The following PTPRK variants were observed in gnomAD, a reference collection of about 807,000 sequenced individuals.
PTPRK encodes the protein protein tyrosine phosphatase receptor type K.
A neutral mutation model predicts 178.0 loss-of-function variants in PTPRK; 75 were observed. The observed-to-expected ratio is 0.42, with a 90% confidence interval of 0.35 to 0.51. The LOEUF is 0.51. Ranked by LOEUF, PTPRK falls within the 20% of genes least tolerant of loss-of-function variation. The probability of loss-of-function intolerance (pLI) is 0.02; values close to 1 mark genes in which losing one functional copy is unlikely to be tolerated. For synonymous variants in PTPRK, 637 were observed against 620.6 expected, an observed-to-expected ratio of 1.03 and a Z score of -0.39; for missense variants, 1,441 against 1,797.8, an observed-to-expected ratio of 0.80 and a Z score of 3.59.
chr6:128,051,793 T>G (rs536435354), intron 13 of PTPRK, among the ~76,000 whole-genome samples: 1 of 152,294 alleles, frequency 6.6e-6, no homozygotes, highest in Non-Finnish European at 1.5e-5. Flanking sequence ...ACACTTTTAT[T>G]TCTAGTTTTT....
chr6:128,023,422 T>G (rs1473465707), intron 13 of PTPRK, among the ~76,000 whole-genome samples: 1 of 152,150 alleles, frequency 6.6e-6, no homozygotes, highest in Non-Finnish European at 1.5e-5. Context: ...CAGCCCCTCC[T>G]AACTTTCTCA....
At chr6:128,354,365 G>C (rs1833675358) in intron 2 of PTPRK, among the ~76,000 whole-genome samples, 1 of 145,072 alleles carries the variant, frequency 6.9e-6, no homozygotes, top group Admixed American at 7.2e-5. Context: ...AGCCTCCTAA[G>C]TAGCTGGGAC....
At chr6:128,278,159 A>AT (rs1287142865) in intron 3 of PTPRK, among the ~76,000 whole-genome samples, 1 of 149,356 alleles carries the variant, frequency 6.7e-6, no homozygotes, top group South Asian at 2.1e-4. Flanking sequence ...TTATTTATTT[A>AT]TTTATTTATT....
chr6:128,118,737 C>A (rs935571959), intron 7 of PTPRK, among the ~76,000 whole-genome samples: 1 of 152,178 alleles, frequency 6.6e-6, no homozygotes, highest in East Asian at 1.9e-4. Context: ...CCAACATTAA[C>A]CTTTTTCCAC....
At chr6:128,358,020 C>T (rs1180351664) in intron 2 of PTPRK, among the ~76,000 whole-genome samples, 4 of 152,176 alleles carry the variant, frequency 2.6e-5, no homozygotes, top group East Asian at 1.9e-4. Context: ...TCAGTGAAGC[C>T]GTATGAATGA....
chr6:128,244,339 G>T lies in PTPRK; in HGVS notation c.496-1737C>A, dbSNP rs147789806. On this transcript the variant is annotated intron_variant, in intron 3 of 29. Coordinates refer to ENST00000368226, the MANE Select transcript of PTPRK (RefSeq NM_002844.4). ...GATAACTCCATGGAAGGGAATAAGC[G>T]ACTAATTTGAAAGTTAAAGTGATTG... is the stretch of plus-strand genomic sequence containing the variant. Among the ~76,000 whole-genome samples the T allele has an allele frequency of 3.4e-4, 52 of 152,206 alleles. No homozygotes were observed. In the East Asian group the frequency reaches 7.5e-3, roughly 22 times the overall value.
In PTPRK at chr6:128,332,006, C is replaced by CAA. The variant is rs57623582; in HGVS notation, c.224-9698_224-9697dup. On this transcript the variant is annotated intron_variant, in intron 2 of 29. Transcript: ENST00000368226. Reference sequence around the variant, plus strand: ...AGCTTCTAAAAACCTTCAGGCAACACAAAAAAACTAAAATGAAAGTTTCAG... The same window carrying CAA: ...AGCTTCTAAAAACCTTCAGGCAACACAAAAAAAAACTAAAATGAAAGTTTCAG... Among the ~76,000 whole-genome samples the CAA allele has an allele frequency of 1.1e-3, 170 of 152,042 alleles. 1 individual carries two copies. Among genetic ancestry groups the CAA allele is most frequent in the Admixed American group, 7.9e-4 (12 of 15,256 alleles).
At chr6:128,315,511 T>C (rs1178434176) in intron 3 of PTPRK, among the ~76,000 whole-genome samples, 1 of 152,130 alleles carries the variant, frequency 6.6e-6, no homozygotes, top group Non-Finnish European at 1.5e-5. Context: ...AGTTTTATAA[T>C]GATAGTTTTA....
rs1008547736 is a variant in PTPRK at position 128,221,537 on chromosome 6, A to T, written c.694-2441T>A. Among the ~76,000 whole-genome samples the T allele has an allele frequency of 8.0e-5, 12 of 149,612 alleles. No individual in the cohort carries two copies. In the South Asian group the frequency reaches 1.7e-3, roughly 21 times the overall value. On this transcript the variant is annotated intron_variant, in intron 5 of 29. Coordinates refer to ENST00000368226, the MANE Select transcript of PTPRK (RefSeq NM_002844.4). ...AGATTCTGTCTCAAAAAAAAAAAAA[A>T]TAATAATAATAATAATAATTTTCTA... is the stretch of plus-strand genomic sequence containing the variant.
At chr6:128,489,476 C>T (rs538288814) in intron 1 of PTPRK, among the ~76,000 whole-genome samples, 170 of 152,154 alleles carry the variant, frequency 1.1e-3, no homozygotes, top group Non-Finnish European at 1.9e-3. Flanking sequence ...GCATATGCTC[C>T]GGCCTGAATC....
chr6:128,054,858 C>T (rs904232184), intron 13 of PTPRK, among the ~76,000 whole-genome samples: 6 of 152,168 alleles, frequency 3.9e-5, no homozygotes, highest in African/African-American at 1.2e-4. Flanking sequence ...GGAGGACCAG[C>T]TTATAATCCT....
chr6:128,069,376 C>G (rs1782410918), intron 11 of PTPRK, among the ~76,000 whole-genome samples: 1 of 152,102 alleles, frequency 6.6e-6, no homozygotes, highest in Admixed American at 6.6e-5. Context: ...TGCTAAGCTT[C>G]TAAGAATGCT....
intron 7 of PTPRK, among the ~76,000 whole-genome samples, chr6:128,155,257 T>C (rs1363496962): frequency 1.3e-5 from 2 of 151,768 alleles, no homozygotes; most frequent in African/African-American, 2.4e-5. Context: ...CGTATACTTC[T>C]ATTAGGAGGC....
intron 1 of PTPRK, among the ~76,000 whole-genome samples, chr6:128,480,508 T>C (rs1851941707): frequency 1.3e-5 from 2 of 152,168 alleles, no homozygotes; most frequent in South Asian, 2.1e-4. Context: ...TCTTCAATTT[T>C]AAATGTGGTT....
chr6:128,458,574 T>C (rs970273175), intron 1 of PTPRK, among the ~76,000 whole-genome samples: 1 of 152,264 alleles, frequency 6.6e-6, no homozygotes, highest in African/African-American at 2.4e-5. Context: ...GTCCTTTTTA[T>C]GTGCGCATGT....
At chr6:128,354,996 T>G (rs981407340) in intron 2 of PTPRK, among the ~76,000 whole-genome samples, 1 of 152,196 alleles carries the variant, frequency 6.6e-6, no homozygotes, top group African/African-American at 2.4e-5. Flanking sequence ...AGAACTCAAC[T>G]AGTAAAAGTT....
intron 3 of PTPRK, among the ~76,000 whole-genome samples, chr6:128,251,836 C>T (rs547676448): frequency 7.9e-5 from 12 of 152,224 alleles, no homozygotes; most frequent in African/African-American, 2.6e-4. Context: ...ATTACAAGGG[C>T]TTTGATTACA....
At chr6:128,238,193 AAAAAAAAAAG>A in intron 5 of PTPRK, 2 of 404,852 alleles carry the variant, frequency 4.9e-6, no homozygotes, top group African/African-American at 2.3e-5. Context: ...GCCAAAAAAA[AAAAAAAAAAG>A]AAAAGAAAAA....
chr6:128,235,720 T>A (rs959631168), intron 5 of PTPRK: 3 of 370,076 alleles, frequency 8.1e-6, no homozygotes, highest in Non-Finnish European at 1.7e-5. Flanking sequence ...ACATTGTGTG[T>A]TTCTGACATC....
Sources: allele counts gnomAD v4.1 joint callset (sites outside exome capture counted in the v4.1 genomes callset), GRCh38; gene constraint gnomAD v4.1.1; transcripts MANE v1.5; gene names NCBI Gene and HGNC (gene_info 2026-07-23, HGNC 2026-07-21).